UBXN8: variants seen among roughly 807,000 people sequenced by gnomAD.
UBXN8 encodes UBX domain-containing protein 8.
UBXN8 carries 27 observed loss-of-function variants against 32.1 expected under a neutral mutation model. The observed-to-expected ratio is 0.84, with a 90% CI of 0.62 to 1.16. UBXN8 has a LOEUF of 1.16. Ranked by LOEUF, UBXN8 falls within the 50% of genes most tolerant of loss-of-function variation. The pLI is 0.00. For missense variants in UBXN8, 306 were observed against 311.4 expected (o/e 0.98, Z 0.13); for synonymous variants, 109 against 111.8 (o/e 0.98, Z 0.16).
intron 2 of UBXN8, among the ~76,000 whole-genome samples, chr8:30,752,580 G>T (rs1386402757): frequency 6.6e-6 from 1 of 152,196 alleles, no homozygotes; most frequent in Admixed American, 6.6e-5. Context: ...CAAAATGCTG[G>T]GATTACAGGC....
intron 4 of UBXN8, among the ~76,000 whole-genome samples, chr8:30,755,771 AAAAAAAAAAAG>A (rs1252465486): frequency 4.0e-5 from 6 of 150,678 alleles, no homozygotes; most frequent in African/African-American, 1.2e-4. Context: ...AAAAAAAAAA[AAAAAAAAAAAG>A]AAGACTGACT....
upstream of UBXN8, among the ~76,000 whole-genome samples, chr8:30,741,800 G>A (rs1805209616): frequency 6.6e-6 from 1 of 152,116 alleles, no homozygotes; most frequent in Admixed American, 6.6e-5. Flanking sequence ...TTACTGACAG[G>A]TTATTCTGGT....
chr8:30,756,677 T>TA (rs898154636), intron 4 of UBXN8, 88 bp from the exon 5 acceptor site: 2 of 1,549,876 alleles, frequency 1.3e-6, no homozygotes, highest in African/African-American at 1.4e-5. Context: ...GCCATCAGGG[T>TA]AAAAAAAGGA....
intron 1 of UBXN8, among the ~76,000 whole-genome samples, chr8:30,746,237 ATGAT>A (rs1262119388): frequency 1.3e-5 from 2 of 152,028 alleles, no homozygotes; most frequent in African/African-American, 4.8e-5. Context: ...TTCTGAACGA[ATGAT>A]TGTTTCCTTT....
intron 1 of UBXN8, among the ~76,000 whole-genome samples, chr8:30,744,712 C>G (rs1347734722): frequency 6.6e-6 from 1 of 152,222 alleles, no homozygotes; most frequent in African/African-American, 2.4e-5. Flanking sequence ...GCTGGGATTA[C>G]AGGCCTACGC....
At position 30,747,217 on chromosome 8, in the gene UBXN8, T is replaced by C. The variant is rs916594296; in HGVS notation, c.88+2940T>C. The stretch of plus-strand genomic sequence containing the variant: ...TTCTTTAAAGGTATACACACAAATA[T>C]AGTTCTTTCATATTCTCATGTGATG... On this transcript the variant is annotated intron_variant, in intron 1 of 7. Coordinates refer to ENST00000265616, the MANE Select transcript of UBXN8 (RefSeq NM_005671.4). 2.3e-4 allele frequency among the ~76,000 whole-genome samples: 32 copies of C among 140,512 alleles called. 3 individuals carry two copies. Among genetic ancestry groups the C allele is most frequent in the Admixed American group, 1.6e-3 (23 of 13,984 alleles). 92.2% of individuals were successfully genotyped at this position (140,512 alleles called of 152,430 possible). A position where few individuals can be genotyped will look rare whatever the true frequency, so the allele number is the denominator to read the frequency against.
chr8:30,747,613 A>G (rs543473384), intron 1 of UBXN8, among the ~76,000 whole-genome samples: 1 of 141,284 alleles, frequency 7.1e-6, no homozygotes, highest in South Asian at 2.4e-4. Context: ...GCCTGGCCTC[A>G]ATGGTTTCTT....
At chr8:30,757,008 C>T (rs1805681565) in intron 5 of UBXN8, 121 bp downstream of exon 5, 1 of 1,404,696 alleles carries the variant, frequency 7.1e-7, no homozygotes, top group Non-Finnish European at 9.5e-7. Flanking sequence ...GGTGTCTTCC[C>T]ACTGCCTTAC....
In UBXN8 at chr8:30,758,051, C is replaced by A. The variant is rs546984969; in HGVS notation, c.528+1164C>A. Among the ~76,000 whole-genome samples, 583 of 151,620 alleles carry A rather than the reference C, an allele frequency of 3.8e-3. 2 individuals are homozygous for A. The highest frequency in any genetic ancestry group is 0.013 in the African/African-American group (535 of 41,374). On this transcript the variant is annotated intron_variant, in intron 5 of 7. Coordinates refer to ENST00000265616, the MANE Select transcript of UBXN8 (RefSeq NM_005671.4). ...GCTGGGACTACAGGCGCCCACCACC[C>A]CACCCAGCTAATTTTTTTGTATTTT...
At chr8:30,730,029 A>G (rs907321584), upstream of UBXN8, among the ~76,000 whole-genome samples, 4 of 151,920 alleles carry the variant, frequency 2.6e-5, no homozygotes, top group Non-Finnish European at 5.9e-5. Flanking sequence ...GGAGATGGCA[A>G]AAGTCATCCC....
rs577512368 is a variant in UBXN8, at chr8:30,759,019, G to A, written c.529-1869G>A. Among the ~76,000 whole-genome samples, 41 of 149,760 alleles carry A rather than the reference G, an allele frequency of 2.7e-4. 1 individual carries two copies. Among genetic ancestry groups the A allele is most frequent in the East Asian group, 7.9e-4 (4 of 5,036 alleles). ...CGCCATTCTCCTGCCTCAGCCTCCC[G>A]GGTAGCTGGGACTACAGGTGCCCGC... is the stretch of plus-strand genomic sequence containing the variant. On this transcript the variant is annotated intron_variant, in intron 5 of 7. Coordinates refer to ENST00000265616, the MANE Select transcript of UBXN8 (RefSeq NM_005671.4).
Position 30,758,897 on chromosome 8 carries a change from T to TG in UBXN8, c.529-1991_529-1990insG, listed in dbSNP as rs1563564638. On this transcript the variant is annotated intron_variant, in intron 5 of 7. Coordinates refer to ENST00000265616, the MANE Select transcript of UBXN8 (RefSeq NM_005671.4). ...GTTTTTTTTGTTTGTTTTTTTTGTT[T>TG]TTTTTTTTTTTTTTGAGACGGAGTC... Among the ~76,000 whole-genome samples the TG allele has an allele frequency of 6.4e-4, 87 of 135,284 alleles. 3 individuals carry two copies. Among genetic ancestry groups the TG allele is most frequent in the African/African-American group, 2.5e-3 (83 of 33,330 alleles). The allele number at this position is 135,284 out of a possible 152,430, so 88.8% of individuals were successfully genotyped here.
In UBXN8 at chr8:30,765,228, T is replaced by C. The variant is rs561576753; in HGVS notation, c.646-999T>C. Among the ~76,000 whole-genome samples, 7 of 152,222 alleles carry C rather than the reference T, an allele frequency of 4.6e-5. 1 individual carries two copies. The South Asian group carries it at 1.2e-3, about 27-fold the overall frequency. On this transcript the variant is annotated intron_variant, in intron 7 of 7. Coordinates refer to ENST00000265616, the MANE Select transcript of UBXN8 (RefSeq NM_005671.4). Reference sequence around the variant, plus strand: ...GTGCCTGGCCATCATAACTTGTTAATGTGAATGTAAATAAGATCAGTGTTC... The same window carrying C: ...GTGCCTGGCCATCATAACTTGTTAACGTGAATGTAAATAAGATCAGTGTTC...
chr8:30,756,427 G>C, intron 4 of UBXN8: 1 of 234,518 alleles, frequency 4.3e-6, no homozygotes, highest in East Asian at 9.5e-5. Context: ...TTACAAGCGT[G>C]AGCCACCATA....
chr8:30,747,997 T>G (rs1805412890), intron 1 of UBXN8, among the ~76,000 whole-genome samples: 1 of 137,882 alleles, frequency 7.3e-6, no homozygotes, highest in Non-Finnish European at 1.6e-5. Context: ...ACATCATACT[T>G]TATACCAGCA....
intron 1 of UBXN8, among the ~76,000 whole-genome samples, chr8:30,746,770 C>T (rs1190704433): frequency 2.2e-5 from 3 of 139,250 alleles, no homozygotes; most frequent in Admixed American, 1.4e-4. Flanking sequence ...GTGATCCACC[C>T]GCCTCGGCCT....
chr8:30,731,514 C>T (rs1253102191), upstream of UBXN8, among the ~76,000 whole-genome samples: 1 of 152,190 alleles, frequency 6.6e-6, no homozygotes, highest in Non-Finnish European at 1.5e-5. Flanking sequence ...CTGAGAGCCA[C>T]TATCTCTTTT....
chr8:30,760,395 A>G (rs1432416296), intron 5 of UBXN8, among the ~76,000 whole-genome samples: 1 of 143,646 alleles, frequency 7.0e-6, no homozygotes, highest in Non-Finnish European at 1.5e-5. Flanking sequence ...TTTTATATGT[A>G]TGTATGTGTA....
intron 3 of UBXN8, 21 bp downstream of exon 3, chr8:30,753,126 A>G: frequency 6.7e-7 from 1 of 1,492,618 alleles, no homozygotes; most frequent in Admixed American, 2.7e-5. Context: ...ATTTTTAGAG[A>G]CTTTATGCGT....
Sources: allele counts gnomAD v4.1 joint callset (sites outside exome capture counted in the v4.1 genomes callset), GRCh38; gene constraint gnomAD v4.1.1; transcripts MANE v1.5; gene names NCBI Gene and HGNC (gene_info 2026-07-23, HGNC 2026-07-21).